The following EPB41 variants were observed in gnomAD, a reference collection of about 807,000 sequenced individuals.
The protein encoded by EPB41 is protein 4.1.
A neutral mutation model predicts 108.0 loss-of-function variants in EPB41; 65 were observed. That is an observed-to-expected ratio of 0.60 (90% CI 0.49 to 0.74). The LOEUF is 0.74. Ranked by LOEUF, EPB41 falls within the 30% of genes least tolerant of loss-of-function variation. EPB41 has a pLI of 0.00. For synonymous variants in EPB41, 336 were observed against 358.9 expected (o/e 0.94, Z 0.72); for missense variants, 875 against 1,037.0 (o/e 0.84, Z 2.15).
At chr1:29,099,575 C>T (rs1447929946) in intron 17 of EPB41, among the ~76,000 whole-genome samples, 1 of 152,152 alleles carries the variant, frequency 6.6e-6, no homozygotes, top group African/African-American at 2.4e-5. Context: ...GTCTTGACCT[C>T]CCAAGATGTG....
intron 15 of EPB41, among the ~76,000 whole-genome samples, chr1:29,062,681 C>G (rs1646753179): frequency 6.6e-6 from 1 of 151,382 alleles, no homozygotes; most frequent in Non-Finnish European, 1.5e-5. Context: ...TCCCTCCTCC[C>G]CCTTCTCCTA....
chr1:29,115,649 C>T lies in EPB41; in HGVS notation c.2497-50C>T, dbSNP rs369233287. Reference sequence around the variant, plus strand: ...AGAAATGATGACCACTGCCTTCCTTCGCCATCAGGCTATTTTCTGCCTCAT... The same window carrying T: ...AGAAATGATGACCACTGCCTTCCTTTGCCATCAGGCTATTTTCTGCCTCAT... On this transcript the variant is annotated intron_variant, in intron 19 of 20. Coordinates refer to ENST00000343067, the MANE Select transcript of EPB41 (RefSeq NM_001376013.1). This position sits in a 1 kb window ranked among gnomAD's most constrained non-coding sequence, Gnocchi z 4.4. 15 of 1,458,086 alleles carry T rather than the reference C, an allele frequency of 1.0e-5. No homozygotes were observed. Among genetic ancestry groups the T allele is most frequent in the Middle Eastern group, 1.7e-4 (1 of 5,820 alleles). 90.3% of individuals were successfully genotyped at this position (1,458,086 alleles called of 1,614,324 possible). A position where few individuals can be genotyped will look rare whatever the true frequency, so the allele number is the denominator to read the frequency against.
chr1:28,980,643 G>A (rs2095715582), intron 1 of EPB41, among the ~76,000 whole-genome samples: 1 of 152,012 alleles, frequency 6.6e-6, no homozygotes, highest in Non-Finnish European at 1.5e-5. Flanking sequence ...CCTGAGCCCA[G>A]GAAGTTGAGG....
At chr1:29,061,684 A>G (rs913694628) in intron 15 of EPB41, among the ~76,000 whole-genome samples, 20 of 147,820 alleles carry the variant, frequency 1.4e-4, no homozygotes, top group Non-Finnish European at 2.1e-4. Flanking sequence ...GGCTCAAGCA[A>G]TCCTCCCATC....
rs57558766 is a variant in EPB41 at position 28,963,344 on chromosome 1, CGTGTGTGTGTGTGT to C, written c.-7-24062_-7-24049del. Among the ~76,000 whole-genome samples the C allele has an allele frequency of 1.3e-3, 192 of 146,322 alleles. 1 individual carries two copies. The highest frequency in any genetic ancestry group is 4.3e-3 in the African/African-American group (169 of 39,570). ...AAGCTACATTCAGTAAAATCAGAAT[CGTGTGTGTGTGTGT>C]GTGTGTGTGTGTGTGTGTGTGTGTC... On this transcript the variant is annotated intron_variant, in intron 1 of 20. Transcript: ENST00000343067.
intron 1 of EPB41, among the ~76,000 whole-genome samples, chr1:28,983,289 T>C (rs974085258): frequency 2.6e-5 from 4 of 152,248 alleles, no homozygotes; most frequent in African/African-American, 4.8e-5. Flanking sequence ...TGAGCACTTA[T>C]TGTGTCAAGT....
intron 19 of EPB41, among the ~76,000 whole-genome samples, chr1:29,114,408 C>T (rs949210101): frequency 2.0e-5 from 3 of 152,100 alleles, no homozygotes. Context: ...TTTGGGAGGC[C>T]GAGCAAGGTG....
At chr1:28,913,501 A>ATG, upstream of EPB41, among the ~76,000 whole-genome samples, 1 of 152,226 alleles carries the variant, frequency 6.6e-6, no homozygotes, top group Non-Finnish European at 1.5e-5. Context: ...CTGGAGACTA[A>ATG]GAATTGAACC....
At chr1:28,986,152 A>C (rs1261833672) in intron 1 of EPB41, among the ~76,000 whole-genome samples, 1 of 152,028 alleles carries the variant, frequency 6.6e-6, no homozygotes, top group African/African-American at 2.4e-5. Context: ...CCTACAAAGG[A>C]CATGAACTCA....
intron 1 of EPB41, among the ~76,000 whole-genome samples, chr1:28,949,626 T>C (rs1192655011): frequency 3.3e-5 from 5 of 151,836 alleles, no homozygotes; most frequent in Non-Finnish European, 7.4e-5. Flanking sequence ...TTTTTTTAGA[T>C]GGAGTCTCGC....
At chr1:29,067,948 C>G (rs1649183714) in intron 16 of EPB41, among the ~76,000 whole-genome samples, 1 of 152,144 alleles carries the variant, frequency 6.6e-6, no homozygotes, top group South Asian at 2.1e-4. Context: ...ACTCTGCTTT[C>G]TAGGCAAGAC....
chr1:29,105,549 C>G (rs1277298750), intron 17 of EPB41, among the ~76,000 whole-genome samples: 1 of 152,032 alleles, frequency 6.6e-6, no homozygotes, highest in Non-Finnish European at 1.5e-5. Context: ...TGTCTGCCTT[C>G]TTTCTGAATA....
At chr1:28,955,582 A>T (rs953603892) in intron 1 of EPB41, among the ~76,000 whole-genome samples, 2 of 152,094 alleles carry the variant, frequency 1.3e-5, no homozygotes, top group Non-Finnish European at 2.9e-5. Context: ...TGACCTCATG[A>T]TCCGCTCACC....
intron 10 of EPB41, among the ~76,000 whole-genome samples, chr1:29,037,302 G>A (rs148794049): frequency 3.3e-5 from 5 of 151,222 alleles, no homozygotes; most frequent in Non-Finnish European, 7.4e-5. Context: ...GGCTGGTCTC[G>A]AACTCCTGAC....
intron 5 of EPB41, among the ~76,000 whole-genome samples, chr1:29,014,667 G>A (rs904834956): frequency 3.3e-5 from 5 of 152,148 alleles, no homozygotes; most frequent in South Asian, 2.1e-4. Flanking sequence ...CTGGACTCGG[G>A]AGAGCCTCCC....
At chr1:29,094,817 G>C (rs1005881508) in intron 16 of EPB41, among the ~76,000 whole-genome samples, 6 of 151,968 alleles carry the variant, frequency 3.9e-5, no homozygotes, top group African/African-American at 9.7e-5. Flanking sequence ...ATGTGCAGTG[G>C]TCCCTCATCC....
chr1:28,951,053 C>G (rs2094699511), intron 1 of EPB41, among the ~76,000 whole-genome samples: 1 of 151,920 alleles, frequency 6.6e-6, no homozygotes, highest in Admixed American at 6.6e-5. Context: ...CAAGGCTGGT[C>G]TTGAATTCTT....
chr1:28,908,697 T>C (rs2147983275), intron 1 of EPB41, among the ~76,000 whole-genome samples: 1 of 150,746 alleles, frequency 6.6e-6, no homozygotes, highest in Admixed American at 6.6e-5. Context: ...CCCAAAGTGC[T>C]GGGATTACAG....
At position 29,091,614 on chromosome 1, in the gene EPB41, A is replaced by G. The variant is rs542369024; in HGVS notation, c.2185-6193A>G. ...TACAATATGGTTTCATATACAGTAT[A>G]TTATTGTATTTTATCTTCAGAACCC... On this transcript the variant is annotated intron_variant, in intron 16 of 20. Coordinates refer to ENST00000343067, the MANE Select transcript of EPB41 (RefSeq NM_001376013.1). 2.0e-4 allele frequency among the ~76,000 whole-genome samples: 31 copies of G among 152,290 alleles called. No individual in the cohort carries two copies. The South Asian group carries it at 6.4e-3, about 32-fold the overall frequency.
Sources: allele counts gnomAD v4.1 joint callset (sites outside exome capture counted in the v4.1 genomes callset), GRCh38; gene constraint gnomAD v4.1.1; non-coding constraint Gnocchi (gnomAD v3.1); transcripts MANE v1.5; gene names NCBI Gene and HGNC (gene_info 2026-07-23, HGNC 2026-07-21).